The following DCUN1D1 variants were observed in gnomAD, a reference collection of about 807,000 sequenced individuals.
The protein encoded by DCUN1D1 is defective in cullin neddylation 1 domain containing 1, also known as DCN1-like protein 1.
Under a neutral mutation model 39.0 loss-of-function variants are expected in DCUN1D1, and 3 were observed. The observed-to-expected ratio is 0.08, with a 90% CI of 0.04 to 0.20. The LOEUF (loss-of-function observed/expected upper bound fraction) is 0.20. DCUN1D1 is among the 10% of genes least tolerant of loss of function. The probability of loss-of-function intolerance (pLI) is 1.00; values close to 1 mark genes in which losing one functional copy is unlikely to be tolerated. For missense variants in DCUN1D1, 158 were observed against 302.4 expected, an observed-to-expected ratio of 0.52 and a Z score of 3.54; for synonymous variants, 82 against 96.3, an observed-to-expected ratio of 0.85 and a Z score of 0.87.
At chr3:182,952,677 T>C (rs1022678985) in intron 4 of DCUN1D1, among the ~76,000 whole-genome samples, 3 of 152,072 alleles carry the variant, frequency 2.0e-5, no homozygotes, top group Non-Finnish European at 4.4e-5. Flanking sequence ...CCTTAGGTCA[T>C]TACGACAAAA....
Position 182,940,835 on chromosome 3 carries a change from C to T in DCUN1D1, c.*4259G>A, listed in dbSNP as rs903605107. 2 of 152,166 alleles carry T rather than the reference C, an allele frequency of 1.3e-5. No individual in the cohort carries two copies. Among genetic ancestry groups the T allele is most frequent in the African/African-American group, 4.8e-5 (2 of 41,444 alleles). The allele number at this position is 152,166 out of a possible 1,614,324, so 9.4% of individuals were successfully genotyped here. ...TAAGTAAATAGAAAATTGGGCTATA[C>T]TTAAAAACACTTTTAAAATCTCAAT... On this transcript the variant is annotated 3_prime_UTR_variant, in exon 7 of 7. Transcript: ENST00000292782.
At chr3:182,962,715 T>C (rs910844042) in intron 3 of DCUN1D1, among the ~76,000 whole-genome samples, 1 of 152,204 alleles carries the variant, frequency 6.6e-6, no homozygotes, top group African/African-American at 2.4e-5. Context: ...TTTCCTTTTA[T>C]CCCTTTGACA....
intron 1 of DCUN1D1, among the ~76,000 whole-genome samples, chr3:182,968,068 T>C (rs769336608): frequency 8.5e-5 from 13 of 152,186 alleles, no homozygotes; most frequent in Non-Finnish European, 1.8e-4. Context: ...ATCCTGGAAA[T>C]TACGTAGGTT....
chr3:182,951,617 CAAAAAAAAAAA>C (rs748698621), intron 4 of DCUN1D1, among the ~76,000 whole-genome samples: 4 of 44,382 alleles, frequency 9.0e-5, no homozygotes, highest in African/African-American at 2.4e-4. Flanking sequence ...CCCTGTCTCC[CAAAAAAAAAAA>C]AAAAAAAAAA....
At chr3:182,949,896 A>G (rs984470497) in intron 4 of DCUN1D1, among the ~76,000 whole-genome samples, 5 of 152,216 alleles carry the variant, frequency 3.3e-5, no homozygotes, top group African/African-American at 1.2e-4. Flanking sequence ...AAGTCGACAA[A>G]CTTCCTATGG....
At chr3:182,948,678 G>A (rs780804696) in intron 4 of DCUN1D1, among the ~76,000 whole-genome samples, 25 of 152,244 alleles carry the variant, frequency 1.6e-4, no homozygotes, top group East Asian at 7.7e-4. Context: ...ATGACATCTC[G>A]AAACCATTCT....
chr3:182,963,738 A>G, intron 3 of DCUN1D1, 143 bp downstream of exon 3: 1 of 673,158 alleles, frequency 1.5e-6, no homozygotes, highest in South Asian at 2.6e-5. Context: ...AAACTGTATA[A>G]CATGGAAACT....
intron 3 of DCUN1D1, among the ~76,000 whole-genome samples, chr3:182,961,694 T>C (rs1482012700): frequency 6.6e-6 from 1 of 152,230 alleles, no homozygotes; most frequent in Non-Finnish European, 1.5e-5. Flanking sequence ...ATAACAATCA[T>C]TTTAAACTGT....
At chr3:182,964,635 CT>C (rs951243180) in intron 2 of DCUN1D1, among the ~76,000 whole-genome samples, 1,954 of 107,486 alleles carry the variant, frequency 0.018, 14 homozygotes, top group African/African-American at 0.064. Flanking sequence ...TAACACCTTT[CT>C]TTTTTTTTTT....
At chr3:182,979,599 T>TCCC (rs1728415669) in intron 1 of DCUN1D1, among the ~76,000 whole-genome samples, 2 of 88,942 alleles carry the variant, frequency 2.2e-5, no homozygotes, top group African/African-American at 5.5e-5. Context: ...AGAGGACTTT[T>TCCC]TCCCCCCCCC....
At chr3:182,956,395 TAAC>T (rs201531194) in intron 4 of DCUN1D1, 4 of 212,428 alleles carry the variant, frequency 1.9e-5, no homozygotes, top group Non-Finnish European at 3.0e-5. Context: ...TAACACAAAA[TAAC>T]AACAACAACA....
chr3:182,939,233 C>T lies in DCUN1D1; in HGVS notation c.*5861G>A, dbSNP rs1726028827. On this transcript the variant is annotated 3_prime_UTR_variant, in exon 7 of 7. Transcript: ENST00000292782. ...ACAAGTATTGGCAAGGATGTGCAGA[C>T]ACGGCAGTCCGCATGCACTGTGGCA... is the stretch of plus-strand genomic sequence containing the variant. The T allele has an allele frequency of 6.6e-6, 1 of 152,178 alleles. No individual in the cohort carries two copies. The highest frequency in any genetic ancestry group is 1.5e-5 in the Non-Finnish European group (1 of 68,046). 9.4% of individuals were successfully genotyped at this position (152,178 alleles called of 1,614,324 possible).
intron 1 of DCUN1D1, among the ~76,000 whole-genome samples, chr3:182,967,128 CTATATA>C (rs60339329): frequency 0.072 from 10,334 of 143,418 alleles, 429 homozygotes; most frequent in Middle Eastern, 0.14. Context: ...AACAAAAAAA[CTATATA>C]TATATATATA....
chr3:182,972,544 A>T (rs1727996400), intron 1 of DCUN1D1, among the ~76,000 whole-genome samples: 1 of 152,058 alleles, frequency 6.6e-6, no homozygotes, highest in Non-Finnish European at 1.5e-5. Context: ...TGGGAGGTCG[A>T]GGGAGGAGGA....
chr3:182,946,328 C>T (rs578151727), intron 6 of DCUN1D1, among the ~76,000 whole-genome samples: 1 of 152,068 alleles, frequency 6.6e-6, no homozygotes, highest in South Asian at 2.1e-4. Context: ...GAGACCGAGG[C>T]GGGTGGATGA....
intron 1 of DCUN1D1, among the ~76,000 whole-genome samples, chr3:182,975,664 A>T (rs1728192307): frequency 6.6e-6 from 1 of 150,888 alleles, no homozygotes; most frequent in Non-Finnish European, 1.5e-5. Context: ...ATCTACACTG[A>T]AGGAGTGCTT....
chr3:182,980,106 A>G, intron 1 of DCUN1D1: 1 of 947,322 alleles, frequency 1.1e-6, no homozygotes, highest in Non-Finnish European at 1.3e-6. Context: ...CCCCGACCAG[A>G]CACAATGGAG....
intron 1 of DCUN1D1, among the ~76,000 whole-genome samples, chr3:182,979,580 C>A (rs1728412209): frequency 7.1e-6 from 1 of 140,812 alleles, no homozygotes; most frequent in Admixed American, 7.6e-5. Context: ...CAAGGGTCTG[C>A]AAGCCTGGAG....
At chr3:182,950,863 C>T (rs1218609262) in intron 4 of DCUN1D1, 2 of 151,330 alleles carry the variant, frequency 1.3e-5, no homozygotes, top group Non-Finnish European at 2.9e-5. Flanking sequence ...AAAAATTGGC[C>T]GGCACGATGG....
Sources: gnomAD v4.1 joint callset for allele counts (sites outside exome capture counted in the v4.1 genomes callset) on GRCh38, gnomAD v4.1.1 for gene constraint, MANE v1.5 for transcripts, NCBI Gene and HGNC (gene_info 2026-07-23, HGNC 2026-07-21) for gene names.